GUCY2F: variants seen among roughly 807,000 people sequenced by gnomAD.
GUCY2F encodes the protein guanylate cyclase 2F, retinal.
In GUCY2F, 61 loss-of-function variants were observed where a neutral mutation model predicts 73.1. The observed-to-expected ratio is 0.83, with a 90% confidence interval of 0.68 to 1.03. The LOEUF is 1.03. GUCY2F is among the 50% of genes least tolerant of loss of function. GUCY2F has a pLI of 0.00. For missense variants in GUCY2F, 912 were observed against 854.3 expected (o/e 1.07, Z -0.84); for synonymous variants, 331 against 307.8 (o/e 1.08, Z -0.79).
At chrX:109,442,980 T>C (rs1235953668) in intron 6 of GUCY2F, among the ~76,000 whole-genome samples, 1 of 112,224 alleles carries the variant, frequency 8.9e-6, no homozygotes, top group African/African-American at 3.2e-5. Flanking sequence ...AAAAACTTCC[T>C]TTCTTAACCT....
At chrX:109,426,889 A>G (rs1569364940) in intron 8 of GUCY2F, among the ~76,000 whole-genome samples, 1 of 112,345 alleles carries the variant, frequency 8.9e-6, no homozygotes, top group Non-Finnish European at 1.9e-5. Context: ...CTTGGAGTAG[A>G]GAGGAGGACC....
At chrX:109,444,590 C>T (rs1260318698) in intron 6 of GUCY2F, among the ~76,000 whole-genome samples, 1 of 111,809 alleles carries the variant, frequency 8.9e-6, no homozygotes, top group Non-Finnish European at 1.9e-5. Context: ...AGTACTCTTC[C>T]CTACATATTC....
chrX:109,425,783 C>A (rs1057407032), intron 8 of GUCY2F, among the ~76,000 whole-genome samples: 1 of 110,393 alleles, frequency 9.1e-6, no homozygotes, highest in African/African-American at 3.3e-5. Flanking sequence ...ACTACCTGTT[C>A]CCCCCAAAAA....
intron 6 of GUCY2F, among the ~76,000 whole-genome samples, chrX:109,447,033 C>G (rs1372034850): frequency 8.9e-6 from 1 of 112,228 alleles, no homozygotes; most frequent in Non-Finnish European, 1.9e-5. Context: ...AAATGCTCAT[C>G]ATCACTAGCC....
chrX:109,412,088 A>G (rs1433989741), intron 8 of GUCY2F, among the ~76,000 whole-genome samples: 1 of 112,112 alleles, frequency 8.9e-6, no homozygotes, highest in Non-Finnish European at 1.9e-5. Context: ...ATTAAAATTT[A>G]TTAATTATAG....
intron 17 of GUCY2F, among the ~76,000 whole-genome samples, chrX:109,380,558 T>C (rs1483607581): frequency 9.0e-6 from 1 of 110,877 alleles, no homozygotes; most frequent in Non-Finnish European, 1.9e-5. Context: ...TGTCTCCTCC[T>C]CATAAGGACC....
At chrX:109,376,367 G>T (rs1205978631) in intron 17 of GUCY2F, among the ~76,000 whole-genome samples, 200 bp from the exon 18 acceptor site, 5 of 112,114 alleles carry the variant, frequency 4.5e-5, no homozygotes, top group Non-Finnish European at 9.4e-5. Context: ...CCACCATACA[G>T]CTTCATCATT....
At chrX:109,425,473 A>G (rs2147266878) in intron 8 of GUCY2F, among the ~76,000 whole-genome samples, 1 of 109,149 alleles carries the variant, frequency 9.2e-6, no homozygotes, top group Admixed American at 9.9e-5. Context: ...CTCAGCCATG[A>G]AAAGGAATGA....
chrX:109,406,169 C>T (rs1930969029), intron 9 of GUCY2F, among the ~76,000 whole-genome samples: 1 of 111,839 alleles, frequency 8.9e-6, no homozygotes, highest in Admixed American at 9.5e-5. Context: ...CCCAGAAGCT[C>T]CTCCATGGGA....
Position 109,452,098 on chromosome X carries a change from G to T in GUCY2F, c.1397C>A (p.Pro466His). 9.2e-7 allele frequency: 1 copy of T among 1,085,621 alleles called. No individual in the cohort carries two copies. The highest frequency in any genetic ancestry group is 1.3e-6 in the Non-Finnish European group (1 of 780,534). 89.5% of individuals were successfully genotyped at this position (1,085,621 alleles called of 1,213,427 possible). A position where few individuals can be genotyped will look rare whatever the true frequency, so the allele number is the denominator to read the frequency against. The part of the protein sequence containing the change: ...EGKICHGGID[P>H]AFAMMVCLTL... ...AAGGCAGACCATCATGGCAAAGGCA[G>T]GGTCGATGCCTGCAGAGAGTGAGAG... The change falls in exon 5 of 20, where the codon CCT (proline) becomes CAT (histidine). Residue 466 changes from proline to histidine, a missense_variant. Transcript: ENST00000218006.
Position 109,465,145 on chromosome X carries a change from A to G in GUCY2F, c.1029T>C (p.Asp343=), listed in dbSNP as rs774402803. ...RGEIPEKLEF[D]QVSPLFGTIY... ...CAACCTATGAATGTGTACTTACTTG[A>G]TCGAACTCCAGCTTCTCAGGAATTT... Residue 343 remains aspartate (D), a synonymous_variant, in exon 3 of 20, where the codon GAT becomes GAC. Transcript: ENST00000218006. The G allele has an allele frequency of 8.3e-7, 1 of 1,201,613 alleles. No individual in the cohort carries two copies. The highest frequency in any genetic ancestry group is 1.1e-6 in the Non-Finnish European group (1 of 886,831).
In GUCY2F at chrX:109,382,111, A is replaced by G. The variant is rs749743352; in HGVS notation, c.3150+7T>C. On this transcript the variant is annotated splice_region_variant and intron_variant, in intron 17 of 19. Coordinates refer to ENST00000218006, the MANE Select transcript of GUCY2F (RefSeq NM_001522.3). ...AGTCTGGCTCAAAAAACAAAAAGAC[A>G]TTATACCTTGAGCTCTGTTCTTCCT... 2.2e-5 allele frequency: 24 copies of G among 1,097,695 alleles called. No individual in the cohort carries two copies. The highest frequency in any genetic ancestry group is 5.6e-5 in the South Asian group (3 of 54,037). The allele number at this position is 1,097,695 out of a possible 1,213,427, so 90.5% of individuals were successfully genotyped here.
At chrX:109,443,378 C>T (rs1931919767) in intron 6 of GUCY2F, among the ~76,000 whole-genome samples, 1 of 111,315 alleles carries the variant, frequency 9.0e-6, no homozygotes, top group African/African-American at 3.3e-5. Context: ...TATACCAATC[C>T]CTTAGTAACG....
At chrX:109,403,022 A>G (rs141741608) in intron 10 of GUCY2F, among the ~76,000 whole-genome samples, 2 of 111,936 alleles carry the variant, frequency 1.8e-5, no homozygotes, top group African/African-American at 6.5e-5. Flanking sequence ...TATATGATGT[A>G]GTTTTGCATC....
chrX:109,397,051 T>C (rs1246459025), intron 11 of GUCY2F, among the ~76,000 whole-genome samples: 5 of 111,457 alleles, frequency 4.5e-5, no homozygotes, highest in African/African-American at 1.3e-4. Flanking sequence ...TAGGCACTTG[T>C]GAGTATAGAA....
At chrX:109,449,855 G>T (rs754599474) in intron 5 of GUCY2F, among the ~76,000 whole-genome samples, 1 of 111,249 alleles carries the variant, frequency 9.0e-6, no homozygotes, top group Non-Finnish European at 1.9e-5. Context: ...GAAAGGAGGA[G>T]TTCAAAGAAT....
At position 109,475,886 on chromosome X, in the gene GUCY2F, A is replaced by G. The variant is rs187757635; in HGVS notation, c.51T>C (p.Ala17=). The part of the protein sequence containing the change: ...RFSRLVLWFA[A]FRKLLGHHGL... The stretch of plus-strand genomic sequence containing the variant: ...CATGGTGTCCCAGCAGTTTCCTGAA[A>G]GCCGCAAACCAGAGAACAAGGCGAG... The change falls in exon 2 of 20, where the codon GCT becomes GCC. Residue 17 remains alanine, a synonymous_variant. Transcript: ENST00000218006. 8.3e-7 allele frequency: 1 copy of G among 1,210,049 alleles called. No individual in the cohort carries two copies. Among genetic ancestry groups the G allele is most frequent in the South Asian group, 1.8e-5 (1 of 56,593 alleles).
chrX:109,396,569 A>G (rs7062503), intron 11 of GUCY2F, among the ~76,000 whole-genome samples: 13,639 of 110,511 alleles, frequency 0.12, 2,006 homozygotes, highest in African/African-American at 0.41. Context: ...CTCATCTTTA[A>G]TCCCCTCCCC....
rs376462871 is a variant in GUCY2F, at chrX:109,444,771, T to A, written c.1570-3289A>T. The stretch of plus-strand genomic sequence containing the variant: ...CTTTTCCACAAAACGCAACTACTAC[T>A]GAGTTATAGCCGATTGTCATGATGA... On this transcript the variant is annotated intron_variant, in intron 6 of 19. Transcript: ENST00000218006. 9.8e-5 allele frequency among the ~76,000 whole-genome samples: 11 copies of A among 112,109 alleles called. No individual in the cohort carries two copies. In the East Asian group the frequency reaches 1.4e-3, roughly 14 times the overall value.
Sources: gnomAD v4.1 joint callset for allele counts (sites outside exome capture counted in the v4.1 genomes callset) on GRCh38, gnomAD v4.1.1 for gene constraint, MANE v1.5 for transcripts, NCBI Gene and HGNC (gene_info 2026-07-23, HGNC 2026-07-21) for gene names.